Variants in CFAP20DC observed in about 807,000 individuals in gnomAD.
CFAP20DC encodes protein CFAP20DC.
In CFAP20DC, 84 loss-of-function variants were observed where a neutral mutation model predicts 101.7. The ratio of observed to expected loss-of-function variants is 0.83; its 90% CI spans 0.69 to 0.99. The LOEUF (loss-of-function observed/expected upper bound fraction) is 0.99, where lower values mean the gene tolerates loss of function less well. Among genes scored for constraint, CFAP20DC ranks in the 50% least tolerant of loss-of-function variants. CFAP20DC has a pLI of 0.00. For missense variants in CFAP20DC, 1,007 were observed against 970.3 expected, an observed-to-expected ratio of 1.04 and a Z score of -0.50; for synonymous variants, 359 against 351.2, an observed-to-expected ratio of 1.02 and a Z score of -0.25.
rs777246674 is a variant in CFAP20DC at position 58,864,021 on chromosome 3, G to C, written c.1259-129C>G. On this transcript the variant is annotated intron_variant, in intron 11 of 16. Coordinates refer to ENST00000482387, the MANE Select transcript of CFAP20DC (RefSeq NM_001394063.1). The surrounding 1 kb of genome is among the most constrained non-coding windows in gnomAD (Gnocchi z 4.7). ...CGCCTAGGCTGCAGTGCAGTCACGCGATCTCGGCTCACTGCAACCTCCGCC... is the reference window on the plus strand; with the variant it reads ...CGCCTAGGCTGCAGTGCAGTCACGCCATCTCGGCTCACTGCAACCTCCGCC... The C allele has an allele frequency of 7.9e-6, 7 of 883,814 alleles. No individual in the cohort carries two copies. Among genetic ancestry groups the C allele is most frequent in the Admixed American group, 3.0e-5 (1 of 33,378 alleles). 54.7% of individuals were successfully genotyped at this position (883,814 alleles called of 1,614,324 possible).
At chr3:58,723,557 TG>T (rs2067502552) in intron 3 of CFAP20DC, among the ~76,000 whole-genome samples, 1 of 152,210 alleles carries the variant, frequency 6.6e-6, no homozygotes, top group South Asian at 2.1e-4. Flanking sequence ...GAAACGAAGG[TG>T]GGGAGCATCA....
At chr3:58,830,502 C>T (rs1041463731) in intron 14 of CFAP20DC, among the ~76,000 whole-genome samples, 1 of 151,892 alleles carries the variant, frequency 6.6e-6, no homozygotes, top group South Asian at 2.1e-4. Context: ...GTGCCAGGGC[C>T]TCTGAGATTT....
chr3:58,901,664 T>A (rs972661827), intron 6 of CFAP20DC, among the ~76,000 whole-genome samples: 5 of 152,216 alleles, frequency 3.3e-5, no homozygotes, highest in African/African-American at 1.2e-4. Flanking sequence ...AAGGTTTTGA[T>A]GTCTGAAGGG....
chr3:58,807,212 G>C (rs1019131431), intron 14 of CFAP20DC, among the ~76,000 whole-genome samples: 1 of 152,200 alleles, frequency 6.6e-6, no homozygotes, highest in African/African-American at 2.4e-5. Flanking sequence ...GAAGAGAGCA[G>C]TGGTTCTCCC....
In CFAP20DC at chr3:59,006,938, T is replaced by C. The variant is rs1194180868; in HGVS notation, c.278+32619A>G. ...CTTGCTTTCTCAGCGTGGAAGCTTA[T>C]GGCCTGGGGCAGGTCTGAGTTTTGT... On this transcript the variant is annotated intron_variant, in intron 4 of 16. Transcript: ENST00000482387. This position sits in a 1 kb window ranked among gnomAD's most constrained non-coding sequence, Gnocchi z 4.3. Among the ~76,000 whole-genome samples the C allele has an allele frequency of 6.6e-6, 1 of 152,154 alleles. No individual in the cohort carries two copies. Among genetic ancestry groups the C allele is most frequent in the Non-Finnish European group, 1.5e-5 (1 of 68,022 alleles).
intron 7 of CFAP20DC, among the ~76,000 whole-genome samples, chr3:58,878,794 A>G (rs1468466356): frequency 1.3e-5 from 2 of 152,036 alleles, no homozygotes; most frequent in African/African-American, 2.4e-5. Context: ...GGCGGATCAC[A>G]AGGTCAGGAG....
chr3:58,830,864 C>G (rs1433318587), intron 14 of CFAP20DC, among the ~76,000 whole-genome samples: 4 of 152,134 alleles, frequency 2.6e-5, no homozygotes, highest in Non-Finnish European at 5.9e-5. Flanking sequence ...ATTATTATAC[C>G]AATGATTTTA....
chr3:58,764,491 G>C (rs1203114856), intron 15 of CFAP20DC, among the ~76,000 whole-genome samples: 1 of 152,178 alleles, frequency 6.6e-6, no homozygotes, highest in East Asian at 1.9e-4. Flanking sequence ...TCCCAGGTGA[G>C]GCGATGCCTC....
intron 4 of CFAP20DC, among the ~76,000 whole-genome samples, chr3:58,983,128 A>C (rs1418718191): frequency 1.3e-5 from 2 of 152,218 alleles, no homozygotes; most frequent in African/African-American, 4.8e-5. Flanking sequence ...GACAGCTCAA[A>C]ATGATAAATC....
intron 4 of CFAP20DC, among the ~76,000 whole-genome samples, chr3:58,981,265 A>C (rs996903217): frequency 5.9e-5 from 9 of 152,328 alleles, no homozygotes; most frequent in African/African-American, 2.2e-4. Flanking sequence ...CAATATCGTG[A>C]AAATGGCCAT....
At chr3:58,870,894 CA>C (rs548763648) in intron 7 of CFAP20DC, among the ~76,000 whole-genome samples, 1,589 of 18,892 alleles carry the variant, frequency 0.084, 3 homozygotes, top group East Asian at 0.23. Context: ...GACTCCGTCT[CA>C]AAAAAAAAAA....
rs190352202 is a variant in CFAP20DC, at chr3:58,805,407, A to G, written c.2237+988T>C. Among the ~76,000 whole-genome samples, 8 of 152,324 alleles carry G rather than the reference A, an allele frequency of 5.3e-5. No individual in the cohort carries two copies. The East Asian group carries it at 7.7e-4, about 15-fold the overall frequency. On this transcript the variant is annotated intron_variant, in intron 15 of 16. Coordinates refer to ENST00000482387, the MANE Select transcript of CFAP20DC (RefSeq NM_001394063.1). ...TGGCGGCCTTTGGGTTCTAGAATACAGCCCCGTATCTTACTTAACAACCAC... is the reference window on the plus strand; with the variant it reads ...TGGCGGCCTTTGGGTTCTAGAATACGGCCCCGTATCTTACTTAACAACCAC...
chr3:58,800,474 T>C (rs977394681), intron 15 of CFAP20DC, among the ~76,000 whole-genome samples: 3 of 152,084 alleles, frequency 2.0e-5, no homozygotes, highest in African/African-American at 7.2e-5. Context: ...TTTTCTGAGA[T>C]GGAGAAGAGT....
At chr3:58,828,273 C>G (rs1309478695) in intron 14 of CFAP20DC, among the ~76,000 whole-genome samples, 3 of 152,090 alleles carry the variant, frequency 2.0e-5, no homozygotes, top group Non-Finnish European at 4.4e-5. Context: ...GACAGCTAAA[C>G]TTCATTTATT....
chr3:58,848,917 C>T lies in CFAP20DC; in HGVS notation c.1971+115G>A, dbSNP rs1271909526. The T allele has an allele frequency of 6.3e-6, 8 of 1,272,638 alleles. No individual in the cohort carries two copies. The South Asian group carries it at 8.0e-5, about 13-fold the overall frequency. 78.8% of individuals were successfully genotyped at this position (1,272,638 alleles called of 1,614,324 possible). On this transcript the variant is annotated intron_variant, in intron 13 of 16. Transcript: ENST00000482387. ...ACACATCAGAACAGGAAAGAAAATA[C>T]AACACTCATCACCCAAATGATGAAA...
chr3:58,945,411 G>A (rs1159682807), intron 4 of CFAP20DC, among the ~76,000 whole-genome samples: 1 of 152,252 alleles, frequency 6.6e-6, no homozygotes, highest in Non-Finnish European at 1.5e-5. Flanking sequence ...GTGTATGTGT[G>A]TATGAGATTA....
chr3:58,815,822 A>C (rs1213906746), intron 14 of CFAP20DC, among the ~76,000 whole-genome samples: 3 of 147,914 alleles, frequency 2.0e-5, no homozygotes, highest in Admixed American at 6.8e-5. Flanking sequence ...ACCATCTCAC[A>C]CCAGTTAGAA....
rs1028338553 is a variant in CFAP20DC, at chr3:58,735,027, C to T, written c.198-17399G>A. On this transcript the variant is annotated intron_variant, in intron 3 of 3. Transcript: ENST00000486145. ...AAGAGACCTGACTCACCAGGGGCTA[C>T]TATAAATGGAAAGACTCCAAAACCT... is the stretch of plus-strand genomic sequence containing the variant. 2.0e-5 allele frequency among the ~76,000 whole-genome samples: 3 copies of T among 152,176 alleles called. No individual in the cohort carries two copies. The South Asian group carries it at 6.2e-4, about 32-fold the overall frequency.
At chr3:59,032,908 C>A (rs1440538825) in intron 4 of CFAP20DC, among the ~76,000 whole-genome samples, 1 of 152,140 alleles carries the variant, frequency 6.6e-6, no homozygotes, top group African/African-American at 2.4e-5. Flanking sequence ...GACTAGGAGA[C>A]ACCTCCCAGC....
Sources: allele counts gnomAD v4.1 joint callset (sites outside exome capture counted in the v4.1 genomes callset), GRCh38; gene constraint gnomAD v4.1.1; non-coding constraint Gnocchi (gnomAD v3.1); transcripts MANE v1.5; gene names NCBI Gene and HGNC (gene_info 2026-07-23, HGNC 2026-07-21).